DENND1A: variants seen among roughly 807,000 people sequenced by gnomAD.
DENND1A encodes DENN domain containing 1A.
DENND1A carries 51 observed loss-of-function variants against 113.7 expected under a neutral mutation model. That is an observed-to-expected ratio of 0.45 (90% CI 0.36 to 0.57). DENND1A has a LOEUF of 0.57. DENND1A is among the 20% of genes least tolerant of loss of function. DENND1A has a pLI of 0.00. For missense variants in DENND1A, 1,258 were observed against 1,395.9 expected, an observed-to-expected ratio of 0.90 and a Z score of 1.57; for synonymous variants, 565 against 570.8, an observed-to-expected ratio of 0.99 and a Z score of 0.14.
chr9:123,846,581 T>G (rs1020835116), intron 2 of DENND1A, among the ~76,000 whole-genome samples: 2 of 151,924 alleles, frequency 1.3e-5, no homozygotes, highest in African/African-American at 4.8e-5. Flanking sequence ...TTAGGGTAAG[T>G]GAAATAAACC....
At chr9:123,406,901 C>T (rs990801300) in intron 20 of DENND1A, among the ~76,000 whole-genome samples, 1 of 152,184 alleles carries the variant, frequency 6.6e-6, no homozygotes, top group African/African-American at 2.4e-5. Flanking sequence ...CACAGGGCTG[C>T]TCCTTGCTAC....
chr9:123,484,625 T>C (rs1303910858), intron 13 of DENND1A, among the ~76,000 whole-genome samples: 2 of 152,266 alleles, frequency 1.3e-5, no homozygotes, highest in Middle Eastern at 3.4e-3. Flanking sequence ...CCGCACCCCA[T>C]AGTGCACCTT....
chr9:123,753,635 G>C (rs549419166), intron 5 of DENND1A, among the ~76,000 whole-genome samples: 10 of 152,304 alleles, frequency 6.6e-5, no homozygotes, highest in African/African-American at 2.4e-4. Flanking sequence ...TCCCATTCTT[G>C]ATGCATTTCC....
intron 13 of DENND1A, among the ~76,000 whole-genome samples, chr9:123,495,141 T>TTCCCTCTCTCTCTC (rs2051766417): frequency 7.1e-6 from 1 of 140,560 alleles, no homozygotes; most frequent in Non-Finnish European, 1.5e-5. Flanking sequence ...CATTGTCTCT[T>TTCCCTCTCTCTCTC]TCTCTCTCTC....
At chr9:123,846,850 A>T (rs1842691351) in intron 2 of DENND1A, among the ~76,000 whole-genome samples, 1 of 152,244 alleles carries the variant, frequency 6.6e-6, no homozygotes, top group Non-Finnish European at 1.5e-5. Flanking sequence ...TAAAATGGCA[A>T]ATTTTGTTTT....
intron 13 of DENND1A, among the ~76,000 whole-genome samples, chr9:123,476,511 T>G (rs150051726): frequency 1.4e-3 from 211 of 152,300 alleles, no homozygotes; most frequent in African/African-American, 4.9e-3. Flanking sequence ...CAACATTTGT[T>G]GGTCACCTGA....
At chr9:123,875,264 T>C (rs1847278431) in intron 2 of DENND1A, among the ~76,000 whole-genome samples, 1 of 152,146 alleles carries the variant, frequency 6.6e-6, no homozygotes, top group Non-Finnish European at 1.5e-5. Context: ...GGATAGTAGT[T>C]ACCTCTGAAG....
chr9:123,900,643 T>G (rs77671236), intron 1 of DENND1A, among the ~76,000 whole-genome samples: 6 of 152,294 alleles, frequency 3.9e-5, no homozygotes, highest in Middle Eastern at 3.4e-3. Flanking sequence ...AAAATACACT[T>G]AGAATCACAT....
At chr9:123,421,558 C>T (rs2045306690) in intron 19 of DENND1A, among the ~76,000 whole-genome samples, 2 of 152,196 alleles carry the variant, frequency 1.3e-5, no homozygotes, top group South Asian at 2.1e-4. Flanking sequence ...GTCTTTGCAG[C>T]CGCCTGCATT....
chr9:123,607,561 T>C (rs2060228847), intron 11 of DENND1A, among the ~76,000 whole-genome samples: 1 of 133,226 alleles, frequency 7.5e-6, no homozygotes, highest in Admixed American at 7.2e-5. Flanking sequence ...TGTGTGTGTG[T>C]GTGTGTGTGT....
intron 13 of DENND1A, among the ~76,000 whole-genome samples, chr9:123,504,763 C>G (rs569676287): frequency 3.2e-4 from 48 of 152,278 alleles, no homozygotes; most frequent in Admixed American, 7.2e-4. Flanking sequence ...CCAGCAGTTC[C>G]CTACAGCTCT....
intron 10 of DENND1A, among the ~76,000 whole-genome samples, chr9:123,612,644 G>A (rs1274398238): frequency 6.6e-6 from 1 of 151,946 alleles, no homozygotes; most frequent in Non-Finnish European, 1.5e-5. Flanking sequence ...ATAATTTATC[G>A]AATGCTATCC....
chr9:123,792,535 A>G (rs755502283), intron 3 of DENND1A, 52 bp downstream of exon 3: 4 of 1,579,034 alleles, frequency 2.5e-6, no homozygotes, highest in Admixed American at 1.7e-5. Flanking sequence ...AATATGTTGA[A>G]CAACTCTGAA....
intron 1 of DENND1A, among the ~76,000 whole-genome samples, chr9:123,888,956 C>CTGTGTG (rs58270598): frequency 0.029 from 3,782 of 131,126 alleles, 117 homozygotes; most frequent in African/African-American, 0.07. Flanking sequence ...GTGCTTTAAA[C>CTGTGTG]TGTGTGTGTG....
intron 8 of DENND1A, among the ~76,000 whole-genome samples, chr9:123,658,150 T>C (rs1362517821): frequency 1.3e-5 from 2 of 152,220 alleles, no homozygotes; most frequent in Admixed American, 6.5e-5. Flanking sequence ...CAATGTTATA[T>C]GTAACTGTCC....
At chr9:123,694,300 G>A (rs1239575799) in intron 5 of DENND1A, among the ~76,000 whole-genome samples, 1 of 152,146 alleles carries the variant, frequency 6.6e-6, no homozygotes, top group African/African-American at 2.4e-5. Context: ...GTAATACCAT[G>A]AGTGGTGCCA....
rs188668939 is a variant in DENND1A at position 123,667,223 on chromosome 9, T to G, written c.454-144A>C. ...TCAGAAGAAACACCCATGGAATATT[T>G]TCTTTGGATAATGTCAGATTGAACC... On this transcript the variant is annotated intron_variant, in intron 7 of 23. Transcript: ENST00000394215. 233 of 790,746 alleles carry G rather than the reference T, an allele frequency of 2.9e-4. 1 individual carries two copies. The African/African-American group carries it at 4.1e-3, about 14-fold the overall frequency. 49.0% of individuals were successfully genotyped at this position (790,746 alleles called of 1,614,324 possible).
chr9:123,893,638 C>T (rs1421035681), intron 1 of DENND1A, among the ~76,000 whole-genome samples: 1 of 152,200 alleles, frequency 6.6e-6, no homozygotes, highest in East Asian at 1.9e-4. Flanking sequence ...ATATACAGCA[C>T]CTCACTTTAC....
At chr9:123,566,388 G>C (rs1043867824) in intron 12 of DENND1A, among the ~76,000 whole-genome samples, 6 of 152,068 alleles carry the variant, frequency 3.9e-5, no homozygotes, top group Non-Finnish European at 7.4e-5. Flanking sequence ...TATTTATGTG[G>C]AGTTCCATGC....
Sources: allele counts gnomAD v4.1 joint callset (sites outside exome capture counted in the v4.1 genomes callset), GRCh38; gene constraint gnomAD v4.1.1; transcripts MANE v1.5; gene names NCBI Gene and HGNC (gene_info 2026-07-23, HGNC 2026-07-21).